The following CHD8 variants were observed in gnomAD, a reference collection of about 807,000 sequenced individuals.
CHD8 encodes ATP-dependent chromatin remodeler CHD8.
A neutral mutation model predicts 279.2 loss-of-function variants in CHD8; 31 were observed. The observed-to-expected ratio is 0.11, with a 90% CI of 0.08 to 0.15. The LOEUF is 0.15. Ranked by LOEUF, CHD8 falls within the 10% of genes least tolerant of loss-of-function variation. The pLI is 1.00. For synonymous variants in CHD8, 1,081 were observed against 1,139.6 expected, an observed-to-expected ratio of 0.95 and a Z score of 1.04; for missense variants, 2,146 against 3,230.5, an observed-to-expected ratio of 0.66 and a Z score of 8.14.
intron 34 of CHD8, 62 bp downstream of exon 34, chr14:21,392,445 T>G: frequency 6.7e-7 from 1 of 1,494,138 alleles, no homozygotes; most frequent in South Asian, 1.3e-5. Flanking sequence ...ATTAGTAAAA[T>G]TAGTTACAGC....
At chr14:21,389,452 A>C (rs1474463662) in intron 37 of CHD8, among the ~76,000 whole-genome samples, 1 of 152,036 alleles carries the variant, frequency 6.6e-6, no homozygotes, top group Non-Finnish European at 1.5e-5. Flanking sequence ...TTCTATTAAA[A>C]ATACAAAAAT....
At chr14:21,399,573 A>C in intron 26 of CHD8, 29 bp downstream of exon 26, 6 of 1,478,822 alleles carry the variant, frequency 4.1e-6, no homozygotes, top group Non-Finnish European at 5.7e-6. Context: ...CTTCAGTCGG[A>C]AAGGAGTAGA....
At chr14:21,429,601 C>T (rs557040060) in intron 2 of CHD8, 87 of 540,452 alleles carry the variant, frequency 1.6e-4, no homozygotes, top group African/African-American at 1.5e-3. Flanking sequence ...TGCTGCCCTG[C>T]TCCGTTTCCA....
chr14:21,436,824 G>T (rs745386080), intron 1 of CHD8: 3 of 507,098 alleles, frequency 5.9e-6, no homozygotes, highest in Non-Finnish European at 1.1e-5. Flanking sequence ...AAGGGAAAGG[G>T]CGAGGTGAGG....
Position 21,394,132 on chromosome 14 carries a change from T to C in CHD8, c.5663A>G (p.Tyr1888Cys). The change falls in exon 32 of 38, where the codon TAC becomes TGC. Residue 1888 changes from tyrosine to cysteine, a missense_variant. This residue lies in a region of CHD8 where 513 missense variants were observed against 637.6 expected (regional missense o/e 0.80). Coordinates refer to ENST00000646647, the MANE Select transcript of CHD8 (RefSeq NM_001170629.2). ...ITEERASRTL[Y>C]RIELLRRLRE... ...TAAGCGCCGAAGCAATTCTATACGG[T>C]AGAGAGTCCGTGAGGCTCTCTCCTC... The C allele has an allele frequency of 6.8e-6, 11 of 1,612,028 alleles. No homozygotes were observed. Among genetic ancestry groups the C allele is most frequent in the Non-Finnish European group, 9.3e-6 (11 of 1,178,674 alleles).
intron 5 of CHD8, among the ~76,000 whole-genome samples, chr14:21,417,519 C>G (rs778152158): frequency 3.3e-5 from 5 of 152,026 alleles, no homozygotes; most frequent in Non-Finnish European, 7.4e-5. Flanking sequence ...TGTTCAAGAC[C>G]AGCCTGGGCA....
rs538468920 is a variant in CHD8, at chr14:21,387,405, G to A, written c.7183-1229C>T. 5.3e-4 allele frequency among the ~76,000 whole-genome samples: 80 copies of A among 152,232 alleles called. No individual in the cohort carries two copies. The South Asian group carries it at 6.6e-3, about 13-fold the overall frequency. The stretch of plus-strand genomic sequence containing the variant: ...CCAGCACTTTGGGAGGCTGAGGGCA[G>A]GCGGATCACCTGAGGTTGGGAGTTC... On this transcript the variant is annotated intron_variant, in intron 37 of 37. Transcript: ENST00000646647.
chr14:21,430,684 C>T (rs1160776200), intron 2 of CHD8, 117 bp downstream of exon 2: 6 of 672,458 alleles, frequency 8.9e-6, no homozygotes, highest in Non-Finnish European at 9.9e-6. Flanking sequence ...CTGATAAAAA[C>T]CAAAGATGGA....
At chr14:21,412,801 A>C (rs1594356244) in intron 10 of CHD8, 112 bp downstream of exon 10, 2 of 698,210 alleles carry the variant, frequency 2.9e-6, no homozygotes, top group African/African-American at 3.6e-5. Flanking sequence ...ATTTAGAAAT[A>C]CCTTTTCAGT....
intron 27 of CHD8, 165 bp downstream of exon 27, chr14:21,397,656 CAT>C: frequency 3.3e-6 from 2 of 611,108 alleles, no homozygotes; most frequent in Non-Finnish European, 5.7e-6. Context: ...CTTATGGCAA[CAT>C]GTGGTTTATG....
intron 27 of CHD8, 135 bp from the exon 28 acceptor site, chr14:21,396,027 C>T (rs1309789820): frequency 1.9e-5 from 13 of 668,820 alleles, no homozygotes; most frequent in Non-Finnish European, 3.1e-5. Flanking sequence ...AGACAGGTCT[C>T]ACTCTGTCGC....
intron 13 of CHD8, 113 bp from the exon 14 acceptor site, chr14:21,407,145 C>A: frequency 1.3e-6 from 1 of 742,562 alleles, no homozygotes. Flanking sequence ...CAAACTGCAC[C>A]ACCACCCACC....
chr14:21,410,100 C>T, intron 10 of CHD8, 112 bp from the exon 11 acceptor site: 1 of 1,088,874 alleles, frequency 9.2e-7, no homozygotes, highest in Non-Finnish European at 1.3e-6. Flanking sequence ...TACCTAGAAG[C>T]CGTTGAAAAA....
At chr14:21,447,709 T>C (rs1371344843) in intron 1 of CHD8, among the ~76,000 whole-genome samples, 1 of 151,928 alleles carries the variant, frequency 6.6e-6, no homozygotes, top group Non-Finnish European at 1.5e-5. Context: ...AAATAGAGCA[T>C]GGATTCTTTT....
chr14:21,404,520 G>A (rs539894906), intron 16 of CHD8, among the ~76,000 whole-genome samples: 124 of 151,790 alleles, frequency 8.2e-4, no homozygotes, highest in African/African-American at 2.9e-3. Context: ...CAAGGACTAA[G>A]ATGGAACACA....
chr14:21,452,611 T>C (rs1890283108), intron 1 of CHD8, among the ~76,000 whole-genome samples: 1 of 151,478 alleles, frequency 6.6e-6, no homozygotes, highest in Non-Finnish European at 1.5e-5. Context: ...GCCACTGCGC[T>C]CCAGCCTGGG....
intron 1 of CHD8, among the ~76,000 whole-genome samples, chr14:21,438,704 C>T (rs1409866491): frequency 5.3e-5 from 8 of 151,898 alleles, no homozygotes; most frequent in African/African-American, 1.2e-4. Flanking sequence ...TAGTGGCATT[C>T]GCCTGTAGTC....
chr14:21,437,832 A>G (rs1235792423), intron 1 of CHD8, among the ~76,000 whole-genome samples: 3 of 152,064 alleles, frequency 2.0e-5, no homozygotes, highest in Non-Finnish European at 1.5e-5. Flanking sequence ...ACGGCTTTTT[A>G]GACAGTAATT....
Position 21,402,576 on chromosome 14 carries a change from CA to C in CHD8, c.3715-74del. 7.3e-7 allele frequency: 1 copy of C among 1,376,066 alleles called. No homozygotes were observed. Among genetic ancestry groups the C allele is most frequent in the Admixed American group, 2.7e-5 (1 of 37,414 alleles). 85.2% of individuals were successfully genotyped at this position (1,376,066 alleles called of 1,614,324 possible). ...TAGCAAGGGAAAGGATACAAAATAC[CA>C]ATTTATGATTCTTTCACCTCTATAG... On this transcript the variant is annotated intron_variant, in intron 18 of 37. Coordinates refer to ENST00000646647, the MANE Select transcript of CHD8 (RefSeq NM_001170629.2). The surrounding 1 kb of genome is among the most constrained non-coding windows in gnomAD (Gnocchi z 4.5).
Sources: allele counts gnomAD v4.1 joint callset (sites outside exome capture counted in the v4.1 genomes callset), GRCh38; gene constraint gnomAD v4.1.1; regional missense constraint gnomAD v4.1.1; non-coding constraint Gnocchi (gnomAD v3.1); transcripts MANE v1.5; gene names NCBI Gene and HGNC (gene_info 2026-07-23, HGNC 2026-07-21).